The following PAK3 variants were observed in gnomAD, a reference collection of about 807,000 sequenced individuals.
PAK3 encodes the protein p21 (RAC1) activated kinase 3, also known as serine/threonine-protein kinase PAK 3.
A neutral mutation model predicts 41.0 loss-of-function variants in PAK3; 4 were observed. The ratio of observed to expected loss-of-function variants is 0.10; its 90% CI spans 0.05 to 0.22. The LOEUF (loss-of-function observed/expected upper bound fraction) is 0.22. PAK3 is among the 10% of genes least tolerant of loss of function. The pLI, the probability that PAK3 is intolerant of heterozygous loss-of-function variation, is 1.00. For missense variants in PAK3, 205 were observed against 409.9 expected, an observed-to-expected ratio of 0.50 and a Z score of 4.32; for synonymous variants, 146 against 139.6, an observed-to-expected ratio of 1.05 and a Z score of -0.32.
intron 16 of PAK3, among the ~76,000 whole-genome samples, chrX:111,205,661 A>G (rs991562965): frequency 9.0e-6 from 1 of 111,587 alleles, no homozygotes; most frequent in Non-Finnish European, 1.9e-5. Flanking sequence ...AGAACACTGC[A>G]GTAATAAAGC....
At chrX:111,184,856 A>G in intron 11 of PAK3, among the ~76,000 whole-genome samples, 1 of 111,339 alleles carries the variant, frequency 9.0e-6, no homozygotes, top group Non-Finnish European at 1.9e-5. Context: ...GCTGCAATAA[A>G]CGTACATGTA....
intron 1 of PAK3, among the ~76,000 whole-genome samples, chrX:111,024,056 G>T (rs2092233570): frequency 1.8e-5 from 2 of 111,926 alleles, no homozygotes; most frequent in Non-Finnish European, 3.8e-5. Context: ...AATCCATCTT[G>T]AGTTAGTTTT....
chrX:111,126,537 A>G (rs1471652050), intron 5 of PAK3, among the ~76,000 whole-genome samples: 1 of 111,264 alleles, frequency 9.0e-6, no homozygotes, highest in Non-Finnish European at 1.9e-5. Context: ...ACCTGGGTTC[A>G]TGTTCAGTTC....
intron 16 of PAK3, among the ~76,000 whole-genome samples, chrX:111,203,206 C>G (rs2094703099): frequency 8.9e-6 from 1 of 111,935 alleles, no homozygotes. Flanking sequence ...CAAAAAATAA[C>G]ACTATCATTC....
chrX:111,155,950 C>T (rs2094102523), intron 8 of PAK3, among the ~76,000 whole-genome samples: 1 of 111,947 alleles, frequency 8.9e-6, no homozygotes, highest in Admixed American at 9.5e-5. Context: ...TCCAAGGAAT[C>T]TGGCTTTCCA....
chrX:111,121,807 G>T (rs1393960226), intron 4 of PAK3, among the ~76,000 whole-genome samples: 1 of 111,631 alleles, frequency 9.0e-6, no homozygotes, highest in Non-Finnish European at 1.9e-5. Flanking sequence ...GACTTGTGCT[G>T]GGGTCAGGAC....
At chrX:110,987,053 G>A (rs962628248) in intron 1 of PAK3, among the ~76,000 whole-genome samples, 10 of 111,842 alleles carry the variant, frequency 8.9e-5, no homozygotes, top group Admixed American at 8.5e-4. Context: ...GACCCTTTCT[G>A]CCATTGGCAA....
intron 10 of PAK3, chrX:111,169,230 T>C (rs534404593): frequency 1.6e-5 from 4 of 244,494 alleles, no homozygotes; most frequent in Admixed American, 9.2e-5. Context: ...TCAAATACCA[T>C]ACACACACAA....
At chrX:110,993,976 A>G (rs1004765295) in intron 1 of PAK3, among the ~76,000 whole-genome samples, 1 of 111,926 alleles carries the variant, frequency 8.9e-6, no homozygotes, top group African/African-American at 3.2e-5. Flanking sequence ...TTCACTTACA[A>G]TCCTTTGGAA....
rs1393421677 is a variant in PAK3, at chrX:111,123,167, A to G, written c.64A>G (p.Asn22Asp). Residue 22 changes from asparagine (N) to aspartate (D), a missense_variant, in exon 5 of 18, where the codon AAC (asparagine) becomes GAC (aspartate). Coordinates refer to ENST00000372007, the MANE Select transcript of PAK3 (RefSeq NM_002578.5). Reference protein sequence around the residue: ...PAPPLRMNSNNRDSSALNHSS... With the variant: ...PAPPLRMNSNDRDSSALNHSS... ...TCCTCCACTGAGGATGAATAGTAAC[A>G]ACCGGGATTCTTCAGCACTCAACCA... 2 of 1,203,622 alleles carry G rather than the reference A, an allele frequency of 1.7e-6. No homozygotes were observed. The highest frequency in any genetic ancestry group is 1.1e-6 in the Non-Finnish European group (1 of 888,019).
intron 1 of PAK3, among the ~76,000 whole-genome samples, chrX:110,955,080 G>A (rs761890583): frequency 8.9e-6 from 1 of 112,026 alleles, no homozygotes; most frequent in Non-Finnish European, 1.9e-5. Context: ...GCAGCATGCA[G>A]CAAAGGATAT....
At chrX:111,053,062 T>A (rs1212662395) in intron 1 of PAK3, among the ~76,000 whole-genome samples, 1 of 112,303 alleles carries the variant, frequency 8.9e-6, no homozygotes, top group East Asian at 2.8e-4. Flanking sequence ...TATTCTGAGA[T>A]CTGTGACATA....
intron 1 of PAK3, among the ~76,000 whole-genome samples, chrX:110,985,432 G>T (rs1174665014): frequency 1.8e-5 from 2 of 112,388 alleles, no homozygotes; most frequent in African/African-American, 6.5e-5. Context: ...TCATCACCTA[G>T]CACAGTTCCT....
At chrX:111,175,062 G>C (rs1183550067) in intron 11 of PAK3, among the ~76,000 whole-genome samples, 2 of 111,641 alleles carry the variant, frequency 1.8e-5, no homozygotes, top group African/African-American at 6.5e-5. Flanking sequence ...AATACCACCA[G>C]ACAGATTGCA....
At chrX:111,116,136 G>T in intron 4 of PAK3, among the ~76,000 whole-genome samples, 1 of 110,638 alleles carries the variant, frequency 9.0e-6, no homozygotes, top group East Asian at 2.9e-4. Context: ...TGCTTGCTTG[G>T]GATGTTAATC....
chrX:111,165,647 T>G (rs1195059556), intron 10 of PAK3, among the ~76,000 whole-genome samples: 1 of 112,489 alleles, frequency 8.9e-6, no homozygotes, highest in Non-Finnish European at 1.9e-5. Flanking sequence ...AATTGGCACG[T>G]TTTTCTTTAT....
intron 7 of PAK3, 135 bp downstream of exon 7, chrX:111,148,025 C>A: frequency 9.9e-6 from 5 of 504,885 alleles, no homozygotes; most frequent in African/African-American, 2.4e-5. Flanking sequence ...ATAAGGAAAC[C>A]AAAAAATGAG....
chrX:111,199,972 T>C (rs1357321019), intron 16 of PAK3, among the ~76,000 whole-genome samples: 1 of 111,639 alleles, frequency 9.0e-6, no homozygotes, highest in Non-Finnish European at 1.9e-5. Flanking sequence ...AGAAGCTGTG[T>C]TTTGTGTCTA....
At chrX:111,166,880 T>C (rs1387398728) in intron 10 of PAK3, among the ~76,000 whole-genome samples, 6 of 111,510 alleles carry the variant, frequency 5.4e-5, no homozygotes, top group Admixed American at 9.5e-5. Flanking sequence ...GATAATACAA[T>C]GGGTCAAGCT....
Sources: gnomAD v4.1 joint callset for allele counts (sites outside exome capture counted in the v4.1 genomes callset) on GRCh38, gnomAD v4.1.1 for gene constraint, MANE v1.5 for transcripts, NCBI Gene and HGNC (gene_info 2026-07-23, HGNC 2026-07-21) for gene names.